The following MSRA variants were observed in gnomAD, a reference collection of about 807,000 sequenced individuals.
The protein encoded by MSRA is mitochondrial peptide methionine sulfoxide reductase.
MSRA carries 54 observed loss-of-function variants against 31.3 expected under a neutral mutation model. That is an observed-to-expected ratio of 1.73 (90% CI 1.39 to 2.17). The LOEUF (loss-of-function observed/expected upper bound fraction) is 2.17, where lower values mean the gene tolerates loss of function less well. Among genes scored for constraint, MSRA ranks in the 30% most tolerant of loss-of-function variants. MSRA has a pLI of 0.00. For synonymous variants in MSRA, 169 were observed against 116.5 expected (o/e 1.45, Z -2.90); for missense variants, 507 against 300.9 (o/e 1.69, Z -5.07).
At chr8:10,229,521 C>T (rs1237864723) in intron 2 of MSRA, among the ~76,000 whole-genome samples, 2 of 152,232 alleles carry the variant, frequency 1.3e-5, no homozygotes, top group Admixed American at 1.3e-4. Flanking sequence ...AGAGGAGCAG[C>T]TCTGACCTCG....
intron 1 of MSRA, among the ~76,000 whole-genome samples, chr8:10,108,703 G>A (rs969783574): frequency 6.6e-5 from 10 of 152,146 alleles, no homozygotes; most frequent in Non-Finnish European, 1.5e-4. Flanking sequence ...CTCACGAGGG[G>A]GTGTGATGGA....
chr8:10,176,251 A>G (rs572191739), intron 1 of MSRA, among the ~76,000 whole-genome samples: 2 of 152,354 alleles, frequency 1.3e-5, no homozygotes, highest in South Asian at 4.1e-4. Flanking sequence ...GCCTGTGGAA[A>G]AGTCCTCAAA....
intron 3 of MSRA, among the ~76,000 whole-genome samples, chr8:10,290,524 C>A (rs932120275): frequency 6.6e-6 from 1 of 152,174 alleles, no homozygotes; most frequent in South Asian, 2.1e-4. Context: ...CCTTTCCCAG[C>A]TTTGCATCAG....
chr8:10,116,824 G>A (rs1027540532), intron 1 of MSRA, among the ~76,000 whole-genome samples: 15 of 152,064 alleles, frequency 9.9e-5, no homozygotes, highest in African/African-American at 2.9e-4. Flanking sequence ...AAAAGTAGTC[G>A]GGCGTGGTGG....
At chr8:10,074,364 G>A (rs939268487) in intron 1 of MSRA, among the ~76,000 whole-genome samples, 1 of 151,968 alleles carries the variant, frequency 6.6e-6, no homozygotes, top group Non-Finnish European at 1.5e-5. Context: ...TTACAGGTGT[G>A]AGCTGCCGCA....
At position 10,422,255 on chromosome 8, in the gene MSRA, C is replaced by T. The variant is rs988677150; in HGVS notation, c.544-5893C>T. Among the ~76,000 whole-genome samples the T allele has an allele frequency of 3.9e-5, 6 of 152,146 alleles. No individual in the cohort carries two copies. In the East Asian group the frequency reaches 9.6e-4, roughly 24 times the overall value. Reference sequence around the variant, plus strand: ...CAACCATGGTTGCACCAGTGTACTCCAGCCTGGGTGGCAGAGCAAGACCCT... The same window carrying T: ...CAACCATGGTTGCACCAGTGTACTCTAGCCTGGGTGGCAGAGCAAGACCCT... On this transcript the variant is annotated intron_variant, in intron 5 of 5. Coordinates refer to ENST00000317173, the MANE Select transcript of MSRA (RefSeq NM_012331.5).
At chr8:10,312,277 A>G (rs1801473987) in intron 4 of MSRA, among the ~76,000 whole-genome samples, 2 of 152,206 alleles carry the variant, frequency 1.3e-5, no homozygotes, top group African/African-American at 4.8e-5. Context: ...AAGTTGTTCA[A>G]GGAAAAAGTG....
At chr8:10,365,966 C>G (rs1805141606) in intron 5 of MSRA, among the ~76,000 whole-genome samples, 1 of 152,222 alleles carries the variant, frequency 6.6e-6, no homozygotes, top group South Asian at 2.1e-4. Context: ...CCTTCATTCC[C>G]CTTCAGTCCT....
chr8:10,270,674 G>C (rs992754687), intron 3 of MSRA, among the ~76,000 whole-genome samples: 3 of 152,202 alleles, frequency 2.0e-5, no homozygotes, highest in Non-Finnish European at 4.4e-5. Context: ...TATCCAGGTG[G>C]ATGTACCTGA....
Position 10,054,578 on chromosome 8 carries a change from C to CGAGGAT in MSRA, c.64_69dup (p.Arg22_Met23dup), listed in dbSNP as rs1802181624. The CGAGGAT allele has an allele frequency of 1.3e-6, 2 of 1,585,298 alleles. No individual in the cohort carries two copies. Among genetic ancestry groups the CGAGGAT allele is most frequent in the African/African-American group, 2.8e-5 (2 of 72,026 alleles). On this transcript the variant is annotated inframe_insertion, in exon 1 of 6. Coordinates refer to ENST00000317173, the MANE Select transcript of MSRA (RefSeq NM_012331.5). ...CTCCTCCACAGCCTCTTTCCCGTCC[C>CGAGGAT]GAGGATGGGCAACTCGGCCTCGAAC...
chr8:10,239,132 C>G (rs1274573369), intron 2 of MSRA, among the ~76,000 whole-genome samples: 1 of 152,054 alleles, frequency 6.6e-6, no homozygotes, highest in East Asian at 1.9e-4. Context: ...AAGAGATGCT[C>G]AACCTCAGTG....
intron 3 of MSRA, among the ~76,000 whole-genome samples, chr8:10,261,848 G>A (rs1185292888): frequency 6.6e-6 from 1 of 152,126 alleles, no homozygotes; most frequent in Non-Finnish European, 1.5e-5. Flanking sequence ...AAGATTCCCT[G>A]CGCTCCACCT....
intron 3 of MSRA, among the ~76,000 whole-genome samples, chr8:10,273,112 T>C (rs1410781526): frequency 1.3e-5 from 2 of 152,222 alleles, no homozygotes; most frequent in African/African-American, 4.8e-5. Context: ...TATTTGAGAC[T>C]ACAGATATGA....
intron 3 of MSRA, among the ~76,000 whole-genome samples, chr8:10,260,009 T>A (rs1798389261): frequency 6.6e-6 from 1 of 152,220 alleles, no homozygotes; most frequent in African/African-American, 2.4e-5. Context: ...TGGACCTGCG[T>A]CACTGAGAAT....
At chr8:10,109,625 C>T (rs1034696574) in intron 1 of MSRA, among the ~76,000 whole-genome samples, 3 of 152,224 alleles carry the variant, frequency 2.0e-5, no homozygotes, top group African/African-American at 4.8e-5. Flanking sequence ...TATAGGTGTA[C>T]GCCACTGTGC....
chr8:10,059,729 A>T (rs2128911525), intron 1 of MSRA, among the ~76,000 whole-genome samples: 1 of 152,354 alleles, frequency 6.6e-6, no homozygotes, highest in South Asian at 2.1e-4. Flanking sequence ...AAATAGTTGC[A>T]ATTCATATCA....
chr8:10,160,239 C>T (rs181985802), intron 1 of MSRA, among the ~76,000 whole-genome samples: 3 of 152,182 alleles, frequency 2.0e-5, no homozygotes, highest in Non-Finnish European at 2.9e-5. Flanking sequence ...TGGCTCACAC[C>T]TGCTCAGCAC....
chr8:10,191,205 C>G (rs964455406), intron 1 of MSRA, among the ~76,000 whole-genome samples: 1 of 152,086 alleles, frequency 6.6e-6, no homozygotes, highest in Non-Finnish European at 1.5e-5. Flanking sequence ...ACATATTTTA[C>G]TATAGACATC....
At chr8:10,145,097 T>G (rs1396495492) in intron 1 of MSRA, among the ~76,000 whole-genome samples, 1 of 152,174 alleles carries the variant, frequency 6.6e-6, no homozygotes, top group Admixed American at 6.5e-5. Context: ...TTACATTGTT[T>G]TGGAGAGATT....
Sources: gnomAD v4.1 joint callset for allele counts (sites outside exome capture counted in the v4.1 genomes callset) on GRCh38, gnomAD v4.1.1 for gene constraint, MANE v1.5 for transcripts, NCBI Gene and HGNC (gene_info 2026-07-23, HGNC 2026-07-21) for gene names.